ABLIM1: variants seen among roughly 807,000 people sequenced by gnomAD.
The protein encoded by ABLIM1 is actin binding LIM protein 1, also known as actin-binding LIM protein 1.
A neutral mutation model predicts 107.0 loss-of-function variants in ABLIM1; 40 were observed. The observed-to-expected ratio is 0.37, with a 90% CI of 0.29 to 0.49. ABLIM1 has a LOEUF of 0.49. ABLIM1 is among the 20% of genes least tolerant of loss of function. The probability of loss-of-function intolerance (pLI) is 0.97; values close to 1 mark genes in which losing one functional copy is unlikely to be tolerated. For missense variants in ABLIM1, 857 were observed against 1,008.5 expected, an observed-to-expected ratio of 0.85 and a Z score of 2.04; for synonymous variants, 357 against 357.3, an observed-to-expected ratio of 1.00 and a Z score of 0.01.
intron 1 of ABLIM1, among the ~76,000 whole-genome samples, chr10:114,721,963 TTAAAATG>T (rs1441914857): frequency 1.3e-5 from 2 of 152,188 alleles, no homozygotes; most frequent in African/African-American, 4.8e-5. Flanking sequence ...ACCTTGTCCC[TTAAAATG>T]TGTGCATGTA....
intron 1 of ABLIM1, among the ~76,000 whole-genome samples, chr10:114,649,848 C>T (rs1177766876): frequency 8.5e-6 from 1 of 118,196 alleles, no homozygotes; most frequent in Non-Finnish European, 1.7e-5. Flanking sequence ...ATCCATATCC[C>T]CCCTCTTTTT....
At chr10:114,520,337 G>C (rs1043284213) in intron 6 of ABLIM1, among the ~76,000 whole-genome samples, 1 of 152,188 alleles carries the variant, frequency 6.6e-6, no homozygotes, top group Admixed American at 6.5e-5. Context: ...GGCAGGTGAT[G>C]AACAGCACTT....
chr10:114,784,691 A>AAAAAAAAAAAAAAAAAAAAAAAAAAAAAG, the ABLIM1 span, among the ~76,000 whole-genome samples: 1 of 34,228 alleles, frequency 2.9e-5, no homozygotes, highest in Non-Finnish European at 8.0e-5. Context: ...AAAGAAAAAG[A>AAAAAAAAAAAAAAAAAAAAAAAAAAAAAG]AAAAAAAAAA....
chr10:114,524,066 A>G (rs1200903707), intron 6 of ABLIM1, among the ~76,000 whole-genome samples: 2 of 152,226 alleles, frequency 1.3e-5, no homozygotes, highest in African/African-American at 4.8e-5. Flanking sequence ...GGGCCAGTCC[A>G]GGTCTGTCAC....
At chr10:114,604,279 T>C (rs559482297) in intron 1 of ABLIM1, among the ~76,000 whole-genome samples, 19 of 152,354 alleles carry the variant, frequency 1.2e-4, no homozygotes, top group South Asian at 1.0e-3. Context: ...TTCATGCCCC[T>C]TCCATGCTGT....
intron 6 of ABLIM1, among the ~76,000 whole-genome samples, chr10:114,525,024 T>C (rs2064446349): frequency 6.6e-6 from 1 of 152,248 alleles, no homozygotes; most frequent in Admixed American, 6.5e-5. Flanking sequence ...GGTTTCCCTC[T>C]AGCAGTGATT....
chr10:114,442,981 G>A (rs2060411964), intron 17 of ABLIM1, among the ~76,000 whole-genome samples: 1 of 152,100 alleles, frequency 6.6e-6, no homozygotes, highest in African/African-American at 2.4e-5. Context: ...CGGGACTGCA[G>A]GAGCCCGCCA....
rs114182267 is a variant in ABLIM1, at chr10:114,629,295, C to A, written c.245-27334G>T. On this transcript the variant is annotated intron_variant, in intron 1 of 22. Transcript: ENST00000533213. This position sits in a 1 kb window ranked among gnomAD's most constrained non-coding sequence, Gnocchi z 4.0. ...GGAGTCTATGCCACTCCTCCTTGGG[C>A]CGGCCATGTTCCTCGGGATGGACAT... 0.022 allele frequency among the ~76,000 whole-genome samples: 3,370 copies of A among 152,264 alleles called. 138 individuals carry two copies. The highest frequency in any genetic ancestry group is 0.07 in the African/African-American group (2,925 of 41,530).
intron 1 of ABLIM1, among the ~76,000 whole-genome samples, chr10:114,676,439 T>C (rs957079806): frequency 2.6e-5 from 4 of 151,866 alleles, no homozygotes; most frequent in Non-Finnish European, 4.4e-5. Context: ...ATCGCGACAC[T>C]GCACTCCAGC....
chr10:114,596,886 C>T (rs141083233), intron 2 of ABLIM1, among the ~76,000 whole-genome samples: 1 of 152,258 alleles, frequency 6.6e-6, no homozygotes, highest in East Asian at 1.9e-4. Context: ...AACCTCTGCC[C>T]CCACTCAAGA....
chr10:114,593,234 G>A (rs963150042), intron 2 of ABLIM1, among the ~76,000 whole-genome samples: 1 of 152,184 alleles, frequency 6.6e-6, no homozygotes, highest in African/African-American at 2.4e-5. Flanking sequence ...ACTTCGGCAT[G>A]CCTTTCCTCA....
chr10:114,559,679 C>G (rs1041005875), intron 4 of ABLIM1, among the ~76,000 whole-genome samples: 3 of 152,128 alleles, frequency 2.0e-5, no homozygotes, highest in Admixed American at 2.0e-4. Context: ...TCCAGACATG[C>G]CTTGCAAACA....
chr10:114,474,767 G>A (rs554973056), intron 8 of ABLIM1, among the ~76,000 whole-genome samples: 5 of 152,262 alleles, frequency 3.3e-5, no homozygotes, highest in Middle Eastern at 3.4e-3. Context: ...CTCCACCCAC[G>A]TTTCACCTTG....
intron 8 of ABLIM1, among the ~76,000 whole-genome samples, chr10:114,476,307 C>CTGAG (rs959482752): frequency 3.9e-4 from 60 of 152,128 alleles, no homozygotes; most frequent in Admixed American, 2.6e-4. Context: ...AATTCTACCT[C>CTGAG]TGAGTATGTT....
At chr10:114,463,898 T>C (rs1017636399) in intron 12 of ABLIM1, among the ~76,000 whole-genome samples, 1 of 152,172 alleles carries the variant, frequency 6.6e-6, no homozygotes, top group African/African-American at 2.4e-5. Context: ...ATAATAACTT[T>C]AAAGCCTAAC....
chr10:114,791,226 C>T, the ABLIM1 span, among the ~76,000 whole-genome samples: 1 of 152,130 alleles, frequency 6.6e-6, no homozygotes, highest in Non-Finnish European at 1.5e-5. Flanking sequence ...AGACTACAGG[C>T]CTGTGTCACT....
At position 114,599,632 on chromosome 10, in the gene ABLIM1, C is replaced by A. The variant is rs867456889; in HGVS notation, c.379+2195G>T. On this transcript the variant is annotated intron_variant, in intron 2 of 22. Transcript: ENST00000533213. ...GCTGAAAAAAAACCACACACACACA[C>A]AAAAATTAGCTGGGCACGGTGGCAG... Among the ~76,000 whole-genome samples the A allele has an allele frequency of 7.3e-5, 11 of 151,688 alleles. 2 individuals carry two copies. The South Asian group carries it at 2.3e-3, about 32-fold the overall frequency.
chr10:114,493,902 C>T (rs1207442808), intron 6 of ABLIM1, among the ~76,000 whole-genome samples: 1 of 152,208 alleles, frequency 6.6e-6, no homozygotes, highest in Non-Finnish European at 1.5e-5. Context: ...TGACAGGCTG[C>T]TTCTGTAAGT....
At chr10:114,601,763 G>A in intron 2 of ABLIM1, 64 bp downstream of exon 2, 1 of 1,612,360 alleles carries the variant, frequency 6.2e-7, no homozygotes. Context: ...AAGGGGATGG[G>A]CTGGACCCAA....
Sources: gnomAD v4.1 joint callset for allele counts (sites outside exome capture counted in the v4.1 genomes callset) on GRCh38, gnomAD v4.1.1 for gene constraint, Gnocchi (gnomAD v3.1) non-coding constraint, MANE v1.5 for transcripts, NCBI Gene and HGNC (gene_info 2026-07-23, HGNC 2026-07-21) for gene names.